The following GALNT17 variants were observed in gnomAD, a reference collection of about 807,000 sequenced individuals.
GALNT17 encodes the protein polypeptide N-acetylgalactosaminyltransferase 17.
GALNT17 carries 29 observed loss-of-function variants against 63.7 expected under a neutral mutation model. The ratio of observed to expected loss-of-function variants is 0.46; its 90% confidence interval spans 0.34 to 0.62. The LOEUF is 0.62. Ranked by LOEUF, GALNT17 falls within the 20% of genes least tolerant of loss-of-function variation. The pLI is 0.01. For synonymous variants in GALNT17, 305 were observed against 318.3 expected, an observed-to-expected ratio of 0.96 and a Z score of 0.45; for missense variants, 603 against 799.6, an observed-to-expected ratio of 0.75 and a Z score of 2.97.
intron 1 of GALNT17, among the ~76,000 whole-genome samples, chr7:71,199,522 T>TCCATC (rs1789122607): frequency 7.0e-6 from 1 of 142,680 alleles, no homozygotes; most frequent in Non-Finnish European, 1.5e-5. Context: ...CCCCATCCAT[T>TCCATC]CATCCATCCA....
intron 7 of GALNT17, 135 bp from the exon 8 acceptor site, chr7:71,669,837 A>G: frequency 7.4e-6 from 8 of 1,088,178 alleles, no homozygotes; most frequent in Non-Finnish European, 1.0e-5. Flanking sequence ...CTGGGATTAC[A>G]GGCATGAGCC....
intron 1 of GALNT17, among the ~76,000 whole-genome samples, chr7:71,321,906 C>CCTTCCTTCCTTCCTTCCTTCCTTT (rs1791617758): frequency 3.8e-5 from 4 of 104,982 alleles, no homozygotes; most frequent in East Asian, 6.0e-4. Context: ...TTCCTTCCTT[C>CCTTCCTTCCTTCCTTCCTTCCTTT]CTTCCTTCCT....
chr7:71,366,001 T>G (rs1194986463), intron 2 of GALNT17, among the ~76,000 whole-genome samples: 1 of 152,164 alleles, frequency 6.6e-6, no homozygotes, highest in Non-Finnish European at 1.5e-5. Context: ...CAGTGACAGA[T>G]CATCAGGCAT....
rs184010968 is a variant in GALNT17, at chr7:71,322,265, A to T, written c.239-13285A>T. Among the ~76,000 whole-genome samples, 7 of 152,106 alleles carry T rather than the reference A, an allele frequency of 4.6e-5. No homozygotes were observed. In the East Asian group the frequency reaches 1.4e-3, roughly 29 times the overall value. ...CATCATGCCTGGCCTCAATTTTCTT[A>T]TCTGCTGACTGTGGATAAAGCTATT... On this transcript the variant is annotated intron_variant, in intron 1 of 10. Coordinates refer to ENST00000333538, the MANE Select transcript of GALNT17 (RefSeq NM_022479.3).
intron 5 of GALNT17, among the ~76,000 whole-genome samples, chr7:71,473,992 C>T (rs189537761): frequency 6.6e-6 from 1 of 152,226 alleles, no homozygotes; most frequent in Admixed American, 6.5e-5. Flanking sequence ...GGCTGCTGGA[C>T]TAAGGATACT....
chr7:71,250,072 A>G (rs1583798078), intron 1 of GALNT17, among the ~76,000 whole-genome samples: 1 of 152,364 alleles, frequency 6.6e-6, no homozygotes, highest in Middle Eastern at 3.4e-3. Flanking sequence ...GCCACAAATC[A>G]TTAATCATAG....
intron 2 of GALNT17, among the ~76,000 whole-genome samples, chr7:71,383,778 G>A (rs747843802): frequency 3.9e-5 from 6 of 152,212 alleles, no homozygotes; most frequent in Non-Finnish European, 8.8e-5. Flanking sequence ...TCCCTCTGTG[G>A]TTGGTTGAAT....
rs765599698 is a variant in GALNT17, at chr7:71,711,975, CCT to C, written c.1669-34_1669-33del. The C allele has an allele frequency of 2.5e-6, 4 of 1,605,100 alleles. No homozygotes were observed. In the East Asian group the frequency reaches 8.9e-5, roughly 36 times the overall value. ...TCTATATCTCTCGCTGTCTCTCTCT[CCT>C]CTCTCTCTTCTCCTCTCTTCTCGAT... On this transcript the variant is annotated intron_variant, in intron 10 of 10. Transcript: ENST00000333538.
At position 71,710,853 on chromosome 7, in the gene GALNT17, C is replaced by T. The variant is rs1282527210; in HGVS notation, c.1593C>T (p.Ser531=). The T allele has an allele frequency of 1.2e-6, 2 of 1,613,966 alleles. No homozygotes were observed. The highest frequency in any genetic ancestry group is 1.1e-5 in the South Asian group (1 of 91,068). ...ACACCCGCTGCCTGGTGGACAACTC[C>T]AAGAGTCGGCTGCCCCAGCTCCTGG... ...LPDTRCLVDN[S]KSRLPQLLDC... The change falls in exon 10 of 11, where the codon TCC becomes TCT. Residue 531 remains serine (S), a synonymous_variant. Transcript: ENST00000333538.
Position 71,132,798 on chromosome 7 carries a change from G to C in GALNT17, c.-5G>C. ...GTCCGGGGCGAGGGCCGGCCGGGCT[G>C]TTTGATGGCTTCACTGAGAAGAGTC... is the stretch of plus-strand genomic sequence containing the variant. On this transcript the variant is annotated 5_prime_UTR_variant, in exon 1 of 11. Coordinates refer to ENST00000333538, the MANE Select transcript of GALNT17 (RefSeq NM_022479.3). 6.3e-7 allele frequency: 1 copy of C among 1,595,878 alleles called. No homozygotes were observed. Among genetic ancestry groups the C allele is most frequent in the Middle Eastern group, 1.7e-4 (1 of 6,020 alleles).
chr7:71,146,776 T>A (rs757468772), intron 1 of GALNT17, among the ~76,000 whole-genome samples: 1 of 152,176 alleles, frequency 6.6e-6, no homozygotes. Flanking sequence ...CTTTTAATCA[T>A]GTCCCTGTCA....
At chr7:71,471,052 C>G (rs1331916805) in intron 5 of GALNT17, among the ~76,000 whole-genome samples, 4 of 151,980 alleles carry the variant, frequency 2.6e-5, no homozygotes, top group Non-Finnish European at 5.9e-5. Flanking sequence ...AAGTAGAGCT[C>G]AGCATTTTTT....
At chr7:71,425,739 C>A (rs1388895535) in intron 5 of GALNT17, among the ~76,000 whole-genome samples, 1 of 152,082 alleles carries the variant, frequency 6.6e-6, no homozygotes, top group African/African-American at 2.4e-5. Context: ...ATGCAACTTA[C>A]ACCGGCAGTG....
intron 5 of GALNT17, among the ~76,000 whole-genome samples, chr7:71,508,125 C>T (rs769577943): frequency 3.3e-5 from 5 of 152,112 alleles, no homozygotes; most frequent in Non-Finnish European, 5.9e-5. Flanking sequence ...GGCCTGCATG[C>T]CCCCCAGTCA....
intron 5 of GALNT17, among the ~76,000 whole-genome samples, chr7:71,447,043 T>C (rs1442635439): frequency 6.6e-6 from 1 of 152,174 alleles, no homozygotes; most frequent in African/African-American, 2.4e-5. Context: ...GCTGAGGGCT[T>C]TTCCCGCCAC....
intron 6 of GALNT17, among the ~76,000 whole-genome samples, chr7:71,627,901 T>G (rs930070525): frequency 2.0e-5 from 3 of 152,082 alleles, no homozygotes; most frequent in Admixed American, 1.3e-4. Flanking sequence ...TGTATCCTTA[T>G]TAGGAGTGAT....
At chr7:71,293,917 T>C (rs1272279879) in intron 1 of GALNT17, among the ~76,000 whole-genome samples, 1 of 152,170 alleles carries the variant, frequency 6.6e-6, no homozygotes, top group Non-Finnish European at 1.5e-5. Context: ...CCCAGCACTT[T>C]GGGAGGCCAA....
intron 1 of GALNT17, among the ~76,000 whole-genome samples, chr7:71,197,864 G>A (rs1390007283): frequency 6.6e-6 from 1 of 152,016 alleles, no homozygotes; most frequent in African/African-American, 2.4e-5. Flanking sequence ...GGATGATTAT[G>A]TTGCTTTCAA....
chr7:71,146,682 C>T (rs1398798707), intron 1 of GALNT17, among the ~76,000 whole-genome samples: 4 of 152,158 alleles, frequency 2.6e-5, no homozygotes, highest in Non-Finnish European at 5.9e-5. Flanking sequence ...TCTTCCTCTC[C>T]CCTAGTGATT....
Sources: allele counts gnomAD v4.1 joint callset (sites outside exome capture counted in the v4.1 genomes callset), GRCh38; gene constraint gnomAD v4.1.1; transcripts MANE v1.5; gene names NCBI Gene and HGNC (gene_info 2026-07-23, HGNC 2026-07-21).